EGFLAM: variants seen among roughly 807,000 people sequenced by gnomAD.
EGFLAM encodes pikachurin.
EGFLAM carries 79 observed loss-of-function variants against 113.1 expected under a neutral mutation model. The ratio of observed to expected loss-of-function variants is 0.70; its 90% CI spans 0.58 to 0.84. The LOEUF is 0.84. Ranked by LOEUF, EGFLAM falls within the 40% of genes least tolerant of loss-of-function variation. The pLI, the probability that EGFLAM is intolerant of heterozygous loss-of-function variation, is 0.00. For synonymous variants in EGFLAM, 504 were observed against 487.6 expected (o/e 1.03, Z -0.44); for missense variants, 1,265 against 1,291.6 (o/e 0.98, Z 0.32).
chr5:38,373,510 C>G (rs1430240009), intron 6 of EGFLAM, among the ~76,000 whole-genome samples: 3 of 152,126 alleles, frequency 2.0e-5, no homozygotes, highest in Non-Finnish European at 2.9e-5. Context: ...TGAGAGCATG[C>G]AGTATTTGAT....
At chr5:38,349,748 C>A (rs1005672110) in intron 3 of EGFLAM, among the ~76,000 whole-genome samples, 4 of 149,566 alleles carry the variant, frequency 2.7e-5, no homozygotes, top group Non-Finnish European at 5.9e-5. Flanking sequence ...CTGCTCAGGG[C>A]CCTTTGTGCA....
At chr5:38,281,127 T>C (rs1027176693) in intron 1 of EGFLAM, among the ~76,000 whole-genome samples, 28 of 152,334 alleles carry the variant, frequency 1.8e-4, no homozygotes, top group Admixed American at 1.8e-3. Flanking sequence ...AGATCCCTTA[T>C]ACAGCCTTGT....
At chr5:38,357,214 T>C (rs1247432617) in intron 5 of EGFLAM, among the ~76,000 whole-genome samples, 3 of 152,084 alleles carry the variant, frequency 2.0e-5, no homozygotes. Flanking sequence ...CATGATCATG[T>C]CACTACACTC....
chr5:38,361,017 G>T (rs910776317), intron 5 of EGFLAM, among the ~76,000 whole-genome samples: 3 of 138,822 alleles, frequency 2.2e-5, no homozygotes, highest in African/African-American at 9.6e-5. Flanking sequence ...ACCACGCCCA[G>T]CTAATTTTTT....
chr5:38,264,987 ATC>A lies in EGFLAM; in HGVS notation c.97+6142_97+6143del, dbSNP rs1437384666. On this transcript the variant is annotated intron_variant, in intron 1 of 21. Transcript: ENST00000322350. ...AGGAAGCACTTCTCTCTTTGACTCC[ATC>A]TCTCTTTGTTAGTCTCACTCTTTCC... 2.0e-5 allele frequency among the ~76,000 whole-genome samples: 3 copies of A among 152,256 alleles called. No homozygotes were observed. In the East Asian group the frequency reaches 5.8e-4, roughly 29 times the overall value.
intron 10 of EGFLAM, among the ~76,000 whole-genome samples, chr5:38,412,048 C>T (rs1741497679): frequency 6.6e-6 from 1 of 152,156 alleles, no homozygotes; most frequent in South Asian, 2.1e-4. Context: ...GATCCGCCCG[C>T]CTTCGCCTTC....
intron 6 of EGFLAM, among the ~76,000 whole-genome samples, chr5:38,373,002 C>G (rs1036168685): frequency 6.6e-6 from 1 of 152,092 alleles, no homozygotes; most frequent in African/African-American, 2.4e-5. Flanking sequence ...TAAATTAAAA[C>G]TGTTAAATTT....
At position 38,407,784 on chromosome 5, in the gene EGFLAM, GT is replaced by G; in HGVS notation, c.1148-19del. ...AAGTGAGGAAATAGCATTCTTTTGT[GT>G]TGTCTTTTTTCTTCTTCAGATATTG... On this transcript the variant is annotated intron_variant, in intron 8 of 21. Coordinates refer to ENST00000322350, the MANE Select transcript of EGFLAM (RefSeq NM_152403.4). The G allele has an allele frequency of 6.4e-7, 1 of 1,568,926 alleles. No homozygotes were observed. The highest frequency in any genetic ancestry group is 8.8e-7 in the Non-Finnish European group (1 of 1,142,810).
chr5:38,388,963 AAAAT>A (rs1403323031), intron 6 of EGFLAM, among the ~76,000 whole-genome samples: 1 of 151,860 alleles, frequency 6.6e-6, no homozygotes, highest in Non-Finnish European at 1.5e-5. Flanking sequence ...TTTTTCAGTG[AAAAT>A]AATTTTTTTT....
At chr5:38,305,626 G>A (rs2111841338) in intron 1 of EGFLAM, 1 of 221,100 alleles carries the variant, frequency 4.5e-6, no homozygotes, top group Middle Eastern at 4.9e-4. Flanking sequence ...AGGTCAGTAG[G>A]CTCTGGATGA....
chr5:38,311,563 T>C (rs376592776), intron 1 of EGFLAM, among the ~76,000 whole-genome samples: 2 of 152,236 alleles, frequency 1.3e-5, no homozygotes, highest in Non-Finnish European at 2.9e-5. Context: ...CCATTGTGTG[T>C]GTACATTTTC....
At chr5:38,330,389 G>A (rs968465652) in intron 1 of EGFLAM, among the ~76,000 whole-genome samples, 1 of 152,138 alleles carries the variant, frequency 6.6e-6, no homozygotes, top group Non-Finnish European at 1.5e-5. Flanking sequence ...CGGGTGTCTG[G>A]AAGCAGTTGT....
In EGFLAM at chr5:38,437,861, C is replaced by T. The variant is rs141935441; in HGVS notation, c.2284-414C>T. 4.6e-3 allele frequency among the ~76,000 whole-genome samples: 699 copies of T among 152,234 alleles called. 8 individuals are homozygous for T. Among genetic ancestry groups the T allele is most frequent in the African/African-American group, 0.016 (657 of 41,534 alleles). ...AAACTAGGCCTGGCGCGGTGGCTCA[C>T]GCCTGTAATCCCAGCACTTTGGGAG... is the stretch of plus-strand genomic sequence containing the variant. On this transcript the variant is annotated intron_variant, in intron 16 of 21. Coordinates refer to ENST00000322350, the MANE Select transcript of EGFLAM (RefSeq NM_152403.4).
intron 20 of EGFLAM, 123 bp from the exon 21 acceptor site, chr5:38,462,785 C>A: frequency 1.8e-6 from 2 of 1,087,692 alleles, no homozygotes; most frequent in Non-Finnish European, 2.7e-6. Flanking sequence ...GCAGCCCCAT[C>A]ATTTAGCACA....
At chr5:38,431,968 A>G (rs377640126) in intron 15 of EGFLAM, among the ~76,000 whole-genome samples, 22 of 152,156 alleles carry the variant, frequency 1.4e-4, no homozygotes, top group African/African-American at 5.1e-4. Flanking sequence ...ACTCAAGAGG[A>G]TAGGATTTCT....
intron 15 of EGFLAM, among the ~76,000 whole-genome samples, chr5:38,434,160 C>G (rs899294488): frequency 6.6e-6 from 1 of 152,220 alleles, no homozygotes; most frequent in Non-Finnish European, 1.5e-5. Flanking sequence ...CTCTGGCCCC[C>G]TCTCGCCTGT....
chr5:38,317,878 G>A (rs1460059350), intron 1 of EGFLAM, among the ~76,000 whole-genome samples: 3 of 152,204 alleles, frequency 2.0e-5, no homozygotes, highest in African/African-American at 7.2e-5. Context: ...TAAGGCAGGT[G>A]TAGATTAGAC....
At chr5:38,278,490 AT>A (rs536338176) in intron 1 of EGFLAM, among the ~76,000 whole-genome samples, 4,192 of 144,836 alleles carry the variant, frequency 0.029, 103 homozygotes, top group African/African-American at 0.063. Flanking sequence ...CTGGTCAATG[AT>A]TTTTTTTTTT....
chr5:38,305,175 T>C (rs1457973797), intron 1 of EGFLAM, among the ~76,000 whole-genome samples: 1 of 151,408 alleles, frequency 6.6e-6, no homozygotes, highest in African/African-American at 2.4e-5. Context: ...TACAAAAAGA[T>C]GAAAATAGAC....
Sources: gnomAD v4.1 joint callset for allele counts (sites outside exome capture counted in the v4.1 genomes callset) on GRCh38, gnomAD v4.1.1 for gene constraint, MANE v1.5 for transcripts, NCBI Gene and HGNC (gene_info 2026-07-23, HGNC 2026-07-21) for gene names.